Variants in PHIP observed in about 807,000 individuals in gnomAD.
PHIP encodes PH-interacting protein.
A neutral mutation model predicts 236.8 loss-of-function variants in PHIP; 54 were observed. The ratio of observed to expected loss-of-function variants is 0.23; its 90% CI spans 0.18 to 0.29. The LOEUF is 0.29. PHIP is among the 10% of genes least tolerant of loss of function. The probability of loss-of-function intolerance (pLI) is 1.00; values close to 1 mark genes in which losing one functional copy is unlikely to be tolerated. For missense variants in PHIP, 1,370 were observed against 2,190.8 expected, an observed-to-expected ratio of 0.63 and a Z score of 7.48; for synonymous variants, 756 against 718.9, an observed-to-expected ratio of 1.05 and a Z score of -0.83.
rs375671009 is a variant in PHIP at position 78,962,987 on chromosome 6, C to T, written c.3535+110G>A. On this transcript the variant is annotated intron_variant, in intron 30 of 39. Transcript: ENST00000275034. ...GAGATTCCACTTAAAATGTCTGAAACCACTGACTTAGGATATTGTGAAAAA... is the reference window on the plus strand; with the variant it reads ...GAGATTCCACTTAAAATGTCTGAAATCACTGACTTAGGATATTGTGAAAAA... 7 of 835,622 alleles carry T rather than the reference C, an allele frequency of 8.4e-6. No individual in the cohort carries two copies. The East Asian group carries it at 1.4e-4, about 16-fold the overall frequency. 51.8% of individuals were successfully genotyped at this position (835,622 alleles called of 1,614,324 possible).
At chr6:78,943,695 G>A (rs1294333131) in intron 39 of PHIP, among the ~76,000 whole-genome samples, 1 of 152,054 alleles carries the variant, frequency 6.6e-6, no homozygotes, top group African/African-American at 2.4e-5. Flanking sequence ...ACATAAAGAT[G>A]GAAGTGCTTG....
intron 15 of PHIP, among the ~76,000 whole-genome samples, chr6:79,009,104 A>G (rs1453164867): frequency 6.6e-6 from 1 of 152,060 alleles, no homozygotes; most frequent in African/African-American, 2.4e-5. Context: ...TACTACTGGC[A>G]ACCAAACTAT....
chr6:79,003,675 C>T (rs775535089), intron 16 of PHIP, 55 bp downstream of exon 16: 5 of 1,288,940 alleles, frequency 3.9e-6, no homozygotes, highest in African/African-American at 1.5e-5. Context: ...ACATACAACC[C>T]CTAAACATGC....
At chr6:79,040,476 A>T (rs72904839) in intron 7 of PHIP, among the ~76,000 whole-genome samples, 1,780 of 152,268 alleles carry the variant, frequency 0.012, 26 homozygotes, top group South Asian at 0.023. Flanking sequence ...ATACTGGTTG[A>T]TCCATTACCA....
In PHIP at chr6:78,972,077, G is replaced by A. The variant is rs548842588; in HGVS notation, c.2890-1189C>T. 3.1e-3 allele frequency among the ~76,000 whole-genome samples: 473 copies of A among 152,072 alleles called. 2 individuals carry two copies. Among genetic ancestry groups the A allele is most frequent in the African/African-American group, 0.011 (439 of 41,506 alleles). The stretch of plus-strand genomic sequence containing the variant: ...TGTAGGCTCCACCTCTGGGGGCAGG[G>A]CACAGACAAACAAAAAGACAGCAGT... On this transcript the variant is annotated intron_variant, in intron 24 of 39. Transcript: ENST00000275034.
At chr6:79,033,922 A>G (rs942938753) in intron 7 of PHIP, among the ~76,000 whole-genome samples, 1 of 152,178 alleles carries the variant, frequency 6.6e-6, no homozygotes, top group African/African-American at 2.4e-5. Flanking sequence ...GATTAATTTC[A>G]ATAGGCAGGC....
intron 6 of PHIP, among the ~76,000 whole-genome samples, chr6:79,055,530 T>C (rs1457355927): frequency 2.0e-5 from 3 of 152,126 alleles, no homozygotes; most frequent in African/African-American, 4.8e-5. Flanking sequence ...CACTCACATC[T>C]CTCTTCCACA....
chr6:78,970,093 T>C lies in PHIP; in HGVS notation c.3078A>G (p.Leu1026=), dbSNP rs1330762643. The change falls in exon 26 of 40, where the codon CTA becomes CTG. Residue 1026 remains leucine (L), a synonymous_variant. Transcript: ENST00000275034. ...CAGTCAGTTTACCAGTATCAGGATC[T>C]AGAAAAGCAAGTTTAAGGCAGCAAA... ...PTLCCLKLAF[L]DPDTGKLTGG... is the part of the protein sequence containing the mutation. The C allele has an allele frequency of 1.9e-6, 3 of 1,613,658 alleles. No individual in the cohort carries two copies. The highest frequency in any genetic ancestry group is 2.5e-6 in the Non-Finnish European group (3 of 1,179,660).
chr6:78,982,717 T>A (rs187686106), intron 23 of PHIP, among the ~76,000 whole-genome samples, 169 bp downstream of exon 23: 61 of 152,242 alleles, frequency 4.0e-4, no homozygotes, highest in South Asian at 1.4e-3. Context: ...AAAACTCGAA[T>A]AAACTAAATA....
chr6:78,970,914 A>C, intron 24 of PHIP, 26 bp from the exon 25 acceptor site: 10 of 1,482,796 alleles, frequency 6.7e-6, no homozygotes, highest in Non-Finnish European at 9.3e-6. Flanking sequence ...ATAATCTTAC[A>C]ACCTGGATGT....
chr6:78,984,026 T>C (rs1178643300), intron 22 of PHIP, among the ~76,000 whole-genome samples: 1 of 152,134 alleles, frequency 6.6e-6, no homozygotes, highest in Non-Finnish European at 1.5e-5. Flanking sequence ...AATAATTAGC[T>C]TTCCCAGATT....
intron 4 of PHIP, among the ~76,000 whole-genome samples, chr6:79,063,983 C>A (rs967496029): frequency 6.6e-6 from 1 of 151,912 alleles, no homozygotes; most frequent in Non-Finnish European, 1.5e-5. Flanking sequence ...CTCTTCCCCA[C>A]CCCTCATTTT....
chr6:78,988,296 T>C lies in PHIP; in HGVS notation c.2373A>G (p.Thr791=). 1 of 1,607,346 alleles carries C rather than the reference T, an allele frequency of 6.2e-7. No individual in the cohort carries two copies. Residue 791 remains threonine, a synonymous_variant, in exon 21 of 40, where the codon ACA becomes ACG. Transcript: ENST00000275034. Reference sequence around the variant, plus strand: ...ATCTTGTACGATAATTGTGTTGATTTGTCTGTTGCTTTTTGGATTCTCCAA... The same window carrying C: ...ATCTTGTACGATAATTGTGTTGATTCGTCTGTTGCTTTTTGGATTCTCCAA... ...LDLGESKKQQ[T]NQHNYRTRSA...
At chr6:78,953,302 T>A (rs1211980308) in intron 35 of PHIP, among the ~76,000 whole-genome samples, 1 of 152,218 alleles carries the variant, frequency 6.6e-6, no homozygotes, top group East Asian at 1.9e-4. Flanking sequence ...AATTCCTTTT[T>A]CACCACTGCC....
At position 78,940,934 on chromosome 6, in the gene PHIP, T is replaced by A; in HGVS notation, c.5225A>T (p.Asn1742Ile). 1 of 1,614,036 alleles carries A rather than the reference T, an allele frequency of 6.2e-7. No individual in the cohort carries two copies. The highest frequency in any genetic ancestry group is 2.2e-5 in the East Asian group (1 of 44,866). Residue 1742 changes from asparagine (N) to isoleucine (I), a missense_variant, in exon 40 of 40, where the codon AAC (asparagine) becomes ATC (isoleucine). Asn to Ile is a moderately radical substitution (Grantham distance 149). Transcript: ENST00000275034. ...PASVKVLRRS[N>I]RKKIDDPIDE... ...TATAGGATCATCTATCTTTTTTCGG[T>A]TACTTCTCCTTAACACTTTGACACT...
intron 12 of PHIP, 25 bp downstream of exon 12, chr6:79,017,321 G>A: frequency 3.7e-6 from 5 of 1,333,912 alleles, no homozygotes; most frequent in Non-Finnish European, 3.1e-6. Context: ...TTTAAAATTA[G>A]AATTAAATTA....
chr6:78,972,437 A>G (rs1462445410), intron 24 of PHIP, among the ~76,000 whole-genome samples: 2 of 152,230 alleles, frequency 1.3e-5, no homozygotes, highest in African/African-American at 4.8e-5. Flanking sequence ...AAAAAACAGA[A>G]CAGAAAAACT....
At chr6:79,013,081 A>G (rs1770669058) in intron 15 of PHIP, among the ~76,000 whole-genome samples, 4 of 151,770 alleles carry the variant, frequency 2.6e-5, no homozygotes, top group Non-Finnish European at 5.9e-5. Flanking sequence ...AAGTGCCCGC[A>G]TAATAGCTGT....
intron 35 of PHIP, among the ~76,000 whole-genome samples, chr6:78,952,949 C>T (rs1000595950): frequency 1.2e-4 from 18 of 151,512 alleles, no homozygotes; most frequent in African/African-American, 4.4e-4. Flanking sequence ...TCAGAATAAT[C>T]TATTACTCAA....
Sources: gnomAD v4.1 joint callset for allele counts (sites outside exome capture counted in the v4.1 genomes callset) on GRCh38, gnomAD v4.1.1 for gene constraint, MANE v1.5 for transcripts, NCBI Gene and HGNC (gene_info 2026-07-23, HGNC 2026-07-21) for gene names.